Variants in TCERG1L observed in about 807,000 individuals in gnomAD.
TCERG1L encodes transcription elongation regulator 1 like, also known as transcription elongation regulator 1-like protein.
Under a neutral mutation model 56.3 loss-of-function variants are expected in TCERG1L, and 37 were observed. That is an observed-to-expected ratio of 0.66 (90% CI 0.51 to 0.87). The LOEUF is 0.87. Among genes scored for constraint, TCERG1L ranks in the 40% least tolerant of loss-of-function variants. The pLI is 0.00. For missense variants in TCERG1L, 799 were observed against 774.2 expected (o/e 1.03, Z -0.38); for synonymous variants, 324 against 326.3 (o/e 0.99, Z 0.08).
intron 6 of TCERG1L, among the ~76,000 whole-genome samples, chr10:131,148,736 A>G (rs558301667): frequency 5.1e-4 from 78 of 152,218 alleles, no homozygotes; most frequent in African/African-American, 1.8e-3. Flanking sequence ...AAAAGGCAGG[A>G]AATGGACCTC....
intron 4 of TCERG1L, among the ~76,000 whole-genome samples, chr10:131,192,815 C>A (rs116403015): frequency 7.0e-6 from 1 of 143,188 alleles, no homozygotes; most frequent in East Asian, 1.9e-4. Context: ...TATGAGTATG[C>A]GAAAGCATAC....
chr10:131,124,858 T>C (rs1845548702), intron 8 of TCERG1L, among the ~76,000 whole-genome samples: 1 of 152,248 alleles, frequency 6.6e-6, no homozygotes, highest in South Asian at 2.1e-4. Context: ...CGAGCAAGTC[T>C]CTTCATTTCA....
intron 3 of TCERG1L, among the ~76,000 whole-genome samples, chr10:131,281,406 T>TA (rs200572376): frequency 0.041 from 5,981 of 146,442 alleles, 147 homozygotes; most frequent in Non-Finnish European, 0.06. Context: ...ATCTCCAAAT[T>TA]AAAAAAAAAA....
chr10:131,096,878 C>T (rs1229050042), intron 11 of TCERG1L, among the ~76,000 whole-genome samples: 3 of 118,828 alleles, frequency 2.5e-5, no homozygotes, highest in East Asian at 4.9e-4. Flanking sequence ...AGAGCGACTC[C>T]ATCTCAAAAA....
In TCERG1L at chr10:131,260,407, G is replaced by A. The variant is rs1335000317; in HGVS notation, c.708C>T (p.Pro236=). 6 of 1,467,076 alleles carry A rather than the reference G, an allele frequency of 4.1e-6. No homozygotes were observed. Among genetic ancestry groups the A allele is most frequent in the Admixed American group, 3.2e-5 (1 of 31,068 alleles). 90.9% of individuals were successfully genotyped at this position (1,467,076 alleles called of 1,614,324 possible). A position where few individuals can be genotyped will look rare whatever the true frequency, so the allele number is the denominator to read the frequency against. ...CGGCGGCGGTGGCGATGGCAATGGC[G>A]GGGCTGCTGGTCACCTTAAGGCTGT... ...CHNSLKVTSS[P]AIAIATAAAA... is the part of the protein sequence containing the mutation. Residue 236 remains proline, a synonymous_variant, in exon 4 of 12, where the codon CCC becomes CCT. Transcript: ENST00000368642. The surrounding 1 kb of genome is among the most constrained non-coding windows in gnomAD (Gnocchi z 5.8).
At chr10:131,243,885 C>T (rs1296907735) in intron 4 of TCERG1L, among the ~76,000 whole-genome samples, 1 of 152,230 alleles carries the variant, frequency 6.6e-6, no homozygotes, top group Admixed American at 6.5e-5. Context: ...AACTGTCCAA[C>T]TGAGCCCAGC....
chr10:131,097,654 A>G (rs1845263963), intron 11 of TCERG1L, among the ~76,000 whole-genome samples: 1 of 152,228 alleles, frequency 6.6e-6, no homozygotes, highest in Non-Finnish European at 1.5e-5. Flanking sequence ...GCCCATGTTC[A>G]TTACTTTTTA....
intron 8 of TCERG1L, among the ~76,000 whole-genome samples, chr10:131,127,824 C>G (rs1224381974): frequency 6.6e-6 from 1 of 152,106 alleles, no homozygotes; most frequent in East Asian, 1.9e-4. Flanking sequence ...GGCCACTGCT[C>G]TTGTCACCGT....
chr10:131,195,585 C>T (rs1845351748), intron 4 of TCERG1L, among the ~76,000 whole-genome samples: 1 of 152,166 alleles, frequency 6.6e-6, no homozygotes, highest in Admixed American at 6.5e-5. Flanking sequence ...AGGACCAAGG[C>T]AGGATGGGAG....
intron 7 of TCERG1L, among the ~76,000 whole-genome samples, chr10:131,145,776 C>A (rs2133413990): frequency 6.6e-6 from 1 of 152,352 alleles, no homozygotes; most frequent in East Asian, 1.9e-4. Flanking sequence ...GGCATCTCTG[C>A]CTCTCAAGTT....
At chr10:131,133,674 C>A (rs975604200) in intron 8 of TCERG1L, among the ~76,000 whole-genome samples, 7 of 152,212 alleles carry the variant, frequency 4.6e-5, no homozygotes, top group Admixed American at 4.6e-4. Flanking sequence ...TCCACATTCA[C>A]CCCCTTATCT....
intron 3 of TCERG1L, among the ~76,000 whole-genome samples, chr10:131,307,757 T>C (rs988580059): frequency 6.6e-6 from 1 of 152,120 alleles, no homozygotes; most frequent in African/African-American, 2.4e-5. Context: ...CATTTTATAG[T>C]CCATCTCACT....
At chr10:131,215,520 G>A (rs1845661324) in intron 4 of TCERG1L, among the ~76,000 whole-genome samples, 1 of 152,210 alleles carries the variant, frequency 6.6e-6, no homozygotes, top group Admixed American at 6.5e-5. Flanking sequence ...CCAACCCGAG[G>A]AAACTCGGAG....
At chr10:131,168,641 A>G (rs1057237951) in intron 4 of TCERG1L, among the ~76,000 whole-genome samples, 2 of 152,156 alleles carry the variant, frequency 1.3e-5, no homozygotes, top group African/African-American at 4.8e-5. Context: ...GGGTGGAGGA[A>G]TGCCCAGCCT....
chr10:131,147,743 T>G (rs1468391498), intron 6 of TCERG1L, among the ~76,000 whole-genome samples: 3 of 152,210 alleles, frequency 2.0e-5, no homozygotes, highest in Admixed American at 6.5e-5. Flanking sequence ...CACCTCTAGC[T>G]ATTGACTTCC....
In TCERG1L at chr10:131,292,951, A is replaced by G. The variant is rs562779073; in HGVS notation, c.670+15260T>C. Among the ~76,000 whole-genome samples, 7 of 152,034 alleles carry G rather than the reference A, an allele frequency of 4.6e-5. 1 individual carries two copies. The South Asian group carries it at 1.5e-3, about 32-fold the overall frequency. On this transcript the variant is annotated intron_variant, in intron 3 of 11. Coordinates refer to ENST00000368642, the MANE Select transcript of TCERG1L (RefSeq NM_174937.4). ...CTGCAACCTCCACCTCACAGGTTGA[A>G]GCGATTCTCCTGCCTCAGCCTCCCG...
intron 8 of TCERG1L, among the ~76,000 whole-genome samples, chr10:131,120,921 G>C (rs1352188310): frequency 6.6e-6 from 1 of 152,180 alleles, no homozygotes; most frequent in Non-Finnish European, 1.5e-5. Flanking sequence ...GGAACAAGGA[G>C]CTCCTCACTG....
At chr10:131,190,733 C>T (rs547793713) in intron 4 of TCERG1L, among the ~76,000 whole-genome samples, 1 of 143,870 alleles carries the variant, frequency 7.0e-6, no homozygotes, top group East Asian at 1.9e-4. Context: ...TAATAAAAGC[C>T]ATATGTGACA....
intron 4 of TCERG1L, among the ~76,000 whole-genome samples, chr10:131,176,326 A>G (rs1252669051): frequency 2.6e-5 from 4 of 151,734 alleles, no homozygotes; most frequent in Admixed American, 2.6e-4. Flanking sequence ...ACACAGAGAC[A>G]CGTGTACACC....
Sources: gnomAD v4.1 joint callset for allele counts (sites outside exome capture counted in the v4.1 genomes callset) on GRCh38, gnomAD v4.1.1 for gene constraint, Gnocchi (gnomAD v3.1) non-coding constraint, MANE v1.5 for transcripts, NCBI Gene and HGNC (gene_info 2026-07-23, HGNC 2026-07-21) for gene names.